The following EP300 variants were observed in gnomAD, a reference collection of about 807,000 sequenced individuals.
EP300 encodes the protein histone acetyltransferase p300.
EP300 carries 31 observed loss-of-function variants against 264.0 expected under a neutral mutation model. That is an observed-to-expected ratio of 0.12 (90% CI 0.09 to 0.16). The LOEUF is 0.16. Among genes scored for constraint, EP300 ranks in the 10% least tolerant of loss-of-function variants. The probability of loss-of-function intolerance (pLI) is 1.00; values close to 1 mark genes in which losing one functional copy is unlikely to be tolerated. For synonymous variants in EP300, 1,340 were observed against 1,045.4 expected (o/e 1.28, Z -5.44); for missense variants, 2,766 against 3,052.9 (o/e 0.91, Z 2.21).
In EP300 at chr22:41,149,642, G is replaced by A. The variant is rs2059031588; in HGVS notation, c.2380-119G>A. The A allele has an allele frequency of 2.7e-5, 29 of 1,058,834 alleles. No individual in the cohort carries two copies. The South Asian group carries it at 3.8e-4, about 14-fold the overall frequency. 65.6% of individuals were successfully genotyped at this position (1,058,834 alleles called of 1,614,324 possible). A position where few individuals can be genotyped will look rare whatever the true frequency, so the allele number is the denominator to read the frequency against. On this transcript the variant is annotated intron_variant, in intron 13 of 30. Coordinates refer to ENST00000263253, the MANE Select transcript of EP300 (RefSeq NM_001429.4). ...AGGGTATTTTACACATTTTGAAATA[G>A]ACACATTGCTACTCTTTGTTTAATC...
chr22:41,155,454 G>A (rs973471964), intron 17 of EP300, among the ~76,000 whole-genome samples: 1 of 152,042 alleles, frequency 6.6e-6, no homozygotes, highest in Non-Finnish European at 1.5e-5. Flanking sequence ...GGCTGGTCTT[G>A]AACGCCTGGA....
At chr22:41,167,802 CTGTTTGTTTTTGTTTTTTTTTT>C (rs2059147089) in intron 23 of EP300, among the ~76,000 whole-genome samples, 1 of 57,856 alleles carries the variant, frequency 1.7e-5, no homozygotes, top group African/African-American at 6.6e-5. Context: ...TGTTCTATTT[CTGTTTGTTTTTGTTTTTTTTTT>C]TGTTTTTTTT....
At chr22:41,145,585 C>T (rs908328061) in intron 10 of EP300, among the ~76,000 whole-genome samples, 3 of 152,222 alleles carry the variant, frequency 2.0e-5, no homozygotes, top group African/African-American at 7.2e-5. Flanking sequence ...AGAGCATGTG[C>T]AGATAATCCA....
chr22:41,131,746 AT>A (rs1165786368), intron 6 of EP300, 113 bp downstream of exon 6: 1 of 1,519,952 alleles, frequency 6.6e-7, no homozygotes, highest in African/African-American at 1.4e-5. Context: ...TTTTTAAGTA[AT>A]TTTTTAAAGA....
intron 1 of EP300, among the ~76,000 whole-genome samples, chr22:41,106,048 C>T (rs1024196326): frequency 6.6e-6 from 1 of 151,898 alleles, no homozygotes; most frequent in African/African-American, 2.4e-5. Flanking sequence ...TCTTTATTTC[C>T]TTGCTAGATG....
intron 27 of EP300, 26 bp downstream of exon 27, chr22:41,170,597 G>A (rs1243705292): frequency 2.5e-6 from 4 of 1,606,774 alleles, no homozygotes; most frequent in Non-Finnish European, 3.4e-6. Context: ...GGGGCCAGGT[G>A]CTGACAATAG....
chr22:41,134,833 G>T (rs977249345), intron 6 of EP300, among the ~76,000 whole-genome samples: 1 of 152,148 alleles, frequency 6.6e-6, no homozygotes, highest in Non-Finnish European at 1.5e-5. Flanking sequence ...TGGAAAGTTG[G>T]ACCTGGACAC....
chr22:41,137,412 T>G (rs949066617), intron 7 of EP300, among the ~76,000 whole-genome samples: 1 of 150,262 alleles, frequency 6.7e-6, no homozygotes, highest in East Asian at 2.0e-4. Context: ...TGAAGTCTTA[T>G]GATATCTTGT....
At chr22:41,161,532 G>A (rs1469060413) in intron 20 of EP300, among the ~76,000 whole-genome samples, 1 of 152,160 alleles carries the variant, frequency 6.6e-6, no homozygotes, top group Non-Finnish European at 1.5e-5. Context: ...CAGGAGAACG[G>A]CGTGAACCCG....
chr22:41,168,410 A>T (rs768119806), intron 23 of EP300, 39 bp from the exon 24 acceptor site: 3 of 1,612,910 alleles, frequency 1.9e-6, no homozygotes, highest in Non-Finnish European at 2.5e-6. Context: ...AACAACAGTA[A>T]ATTTGCACCT....
intron 5 of EP300, 129 bp downstream of exon 5, chr22:41,130,132 T>G: frequency 1.4e-6 from 1 of 727,472 alleles, no homozygotes; most frequent in South Asian, 1.7e-5. Context: ...TTTTTTTCCC[T>G]TTTAATTTTT....
intron 6 of EP300, among the ~76,000 whole-genome samples, chr22:41,133,803 A>T (rs778724285): frequency 6.6e-6 from 1 of 152,044 alleles, no homozygotes; most frequent in African/African-American, 2.4e-5. Context: ...CAAACCAGTG[A>T]TCTGCTTTTA....
intron 5 of EP300, among the ~76,000 whole-genome samples, 161 bp from the exon 6 acceptor site, chr22:41,131,227 A>G (rs530530696): frequency 2.0e-5 from 3 of 152,328 alleles, no homozygotes; most frequent in South Asian, 2.1e-4. Context: ...TCAGTTCTGC[A>G]TCTAGAAATT....
intron 1 of EP300, among the ~76,000 whole-genome samples, chr22:41,115,306 TCTCCTAA>T (rs1378066445): frequency 6.6e-6 from 1 of 151,762 alleles, no homozygotes; most frequent in African/African-American, 2.4e-5. Flanking sequence ...AGACCAGGAG[TCTCCTAA>T]TGATAATAGA....
chr22:41,110,588 A>G (rs1232223951), intron 1 of EP300, among the ~76,000 whole-genome samples: 1 of 151,908 alleles, frequency 6.6e-6, no homozygotes, highest in Non-Finnish European at 1.5e-5. Context: ...GTGAGCTACC[A>G]CATCCGGCCT....
chr22:41,142,905 A>G (rs534694095), intron 10 of EP300, among the ~76,000 whole-genome samples: 1 of 152,138 alleles, frequency 6.6e-6, no homozygotes, highest in East Asian at 1.9e-4. Context: ...ACAAGTGGAC[A>G]TACCTGAGAT....
Position 41,109,273 on chromosome 22 carries a change from A to C in EP300, c.95-7914A>C, listed in dbSNP as rs563960381. ...TGTCTCAAAAAAAAAAAAAAACAAA[A>C]AAAAACGGAAAACATAAGACAGCAA... On this transcript the variant is annotated intron_variant, in intron 1 of 30. Coordinates refer to ENST00000263253, the MANE Select transcript of EP300 (RefSeq NM_001429.4). 5.1e-4 allele frequency among the ~76,000 whole-genome samples: 77 copies of C among 152,090 alleles called. 1 individual carries two copies. The highest frequency in any genetic ancestry group is 1.7e-3 in the African/African-American group (70 of 41,520).
At chr22:41,157,512 CTTTTTTTTTTTT>C in intron 18 of EP300, 104 bp downstream of exon 18, 3 of 443,702 alleles carry the variant, frequency 6.8e-6, no homozygotes, top group Non-Finnish European at 1.1e-5. Context: ...TTTGACATGG[CTTTTTTTTTTTT>C]TTTTTTTTTT....
intron 1 of EP300, among the ~76,000 whole-genome samples, chr22:41,111,519 C>T (rs567124247): frequency 6.6e-6 from 1 of 152,070 alleles, no homozygotes; most frequent in South Asian, 2.1e-4. Context: ...AGTTTTGTTT[C>T]TTCCTTTTTC....
Sources: allele counts gnomAD v4.1 joint callset (sites outside exome capture counted in the v4.1 genomes callset), GRCh38; gene constraint gnomAD v4.1.1; transcripts MANE v1.5; gene names NCBI Gene and HGNC (gene_info 2026-07-23, HGNC 2026-07-21).